Variants in TLK1 observed in about 807,000 individuals in gnomAD.
TLK1 encodes the protein serine/threonine-protein kinase tousled-like 1.
Under a neutral mutation model 105.3 loss-of-function variants are expected in TLK1, and 24 were observed. The observed-to-expected ratio is 0.23, with a 90% CI of 0.17 to 0.32. The LOEUF (loss-of-function observed/expected upper bound fraction) is 0.32. Ranked by LOEUF, TLK1 falls within the 10% of genes least tolerant of loss-of-function variation. The probability of loss-of-function intolerance (pLI) is 1.00; values close to 1 mark genes in which losing one functional copy is unlikely to be tolerated. For missense variants in TLK1, 558 were observed against 910.5 expected (o/e 0.61, Z 4.98); for synonymous variants, 321 against 310.4 (o/e 1.03, Z -0.36).
intron 1 of TLK1, among the ~76,000 whole-genome samples, chr2:171,151,102 G>C (rs906654361): frequency 1.3e-5 from 2 of 151,512 alleles, no homozygotes; most frequent in African/African-American, 4.9e-5. Flanking sequence ...GCTCACTGCA[G>C]CCTCAACCTC....
chr2:171,149,888 CA>C (rs1324830936), intron 1 of TLK1, among the ~76,000 whole-genome samples: 2 of 151,356 alleles, frequency 1.3e-5, no homozygotes, highest in East Asian at 3.9e-4. Context: ...GCCTGGGTGA[CA>C]AAGTGAGACC....
intron 8 of TLK1, among the ~76,000 whole-genome samples, chr2:171,050,984 T>C (rs969811724): frequency 1.3e-5 from 2 of 152,184 alleles, no homozygotes; most frequent in Non-Finnish European, 2.9e-5. Context: ...CATGGTGGAA[T>C]CCACAAGACA....
At chr2:170,998,617 A>T (rs1684198161) in intron 18 of TLK1, among the ~76,000 whole-genome samples, 1 of 152,190 alleles carries the variant, frequency 6.6e-6, no homozygotes. Context: ...AGAATGGTGC[A>T]ATGCCTCTAT....
intron 11 of TLK1, among the ~76,000 whole-genome samples, chr2:171,030,465 G>C (rs1271459390): frequency 6.6e-6 from 1 of 152,180 alleles, no homozygotes; most frequent in African/African-American, 2.4e-5. Context: ...TGTGAATGTA[G>C]ATGAAGTGAG....
chr2:171,181,183 G>C (rs888267610), intron 1 of TLK1, among the ~76,000 whole-genome samples: 2 of 152,086 alleles, frequency 1.3e-5, no homozygotes, highest in African/African-American at 4.8e-5. Context: ...CTTCAAAGTT[G>C]GTAGTTGTAA....
intron 11 of TLK1, chr2:171,045,953 C>A: frequency 2.4e-6 from 1 of 409,544 alleles, no homozygotes; most frequent in South Asian, 9.1e-5. Flanking sequence ...TCTTAGCTAC[C>A]TAGGTCTCTG....
chr2:171,177,111 G>A (rs1692843821), intron 1 of TLK1, among the ~76,000 whole-genome samples: 1 of 151,008 alleles, frequency 6.6e-6, no homozygotes, highest in South Asian at 2.1e-4. Context: ...GGGATTACAG[G>A]CATGAGCCAG....
At chr2:171,053,649 C>T (rs1575556425) in intron 8 of TLK1, 112 bp downstream of exon 8, 1 of 807,830 alleles carries the variant, frequency 1.2e-6, no homozygotes, top group Non-Finnish European at 1.9e-6. Flanking sequence ...GCATGAGCCA[C>T]TGCGCCTGGC....
intron 11 of TLK1, among the ~76,000 whole-genome samples, chr2:171,041,395 C>T (rs1312738219): frequency 6.6e-6 from 1 of 152,132 alleles, no homozygotes; most frequent in Non-Finnish European, 1.5e-5. Context: ...GACTACAGAA[C>T]CTAAAGTCCT....
chr2:171,100,906 C>T (rs547876197), intron 2 of TLK1, among the ~76,000 whole-genome samples: 5 of 152,228 alleles, frequency 3.3e-5, no homozygotes, highest in Admixed American at 6.5e-5. Flanking sequence ...CATCAAAAAA[C>T]GGAAACAACC....
intron 1 of TLK1, among the ~76,000 whole-genome samples, chr2:171,175,304 A>C (rs776193047): frequency 6.6e-6 from 1 of 152,086 alleles, no homozygotes; most frequent in Non-Finnish European, 1.5e-5. Context: ...GATTAAAAAC[A>C]TTTGAAAAAA....
At chr2:171,020,601 TAAG>T in intron 12 of TLK1, among the ~76,000 whole-genome samples, 1 of 151,932 alleles carries the variant, frequency 6.6e-6, no homozygotes, top group South Asian at 2.1e-4. Flanking sequence ...AAAAAACAAT[TAAG>T]GAGAAAATTA....
chr2:171,009,291 C>CTTTTTTTT lies in TLK1; in HGVS notation c.1416+2074_1416+2081dup, dbSNP rs71008743. Among the ~76,000 whole-genome samples the CTTTTTTTT allele has an allele frequency of 5.3e-4, 40 of 74,846 alleles. 5 individuals are homozygous for CTTTTTTTT. Among genetic ancestry groups the CTTTTTTTT allele is most frequent in the African/African-American group, 2.0e-3 (32 of 16,390 alleles). 49.1% of individuals were successfully genotyped at this position (74,846 alleles called of 152,430 possible). ...CATGCAACAGTCAGGATTTCTTTTC[C>CTTTTTTTT]TTTTTTTTTTTTTTTTTTTTTTTTT... On this transcript the variant is annotated intron_variant, in intron 14 of 20. Coordinates refer to ENST00000431350, the MANE Select transcript of TLK1 (RefSeq NM_012290.5).
intron 3 of TLK1, chr2:171,081,769 G>A: frequency 1.7e-6 from 2 of 1,200,078 alleles, no homozygotes; most frequent in South Asian, 2.5e-5. Context: ...TAGTGTCAGG[G>A]TGCCTGCACA....
chr2:171,084,635 G>A (rs1420897734), intron 2 of TLK1, among the ~76,000 whole-genome samples: 1 of 151,998 alleles, frequency 6.6e-6, no homozygotes, highest in Non-Finnish European at 1.5e-5. Context: ...AGGTCATAAA[G>A]GTATAAGAAA....
At chr2:171,118,125 T>C (rs1474476667) in intron 1 of TLK1, among the ~76,000 whole-genome samples, 1 of 152,166 alleles carries the variant, frequency 6.6e-6, no homozygotes, top group African/African-American at 2.4e-5. Context: ...CATTCATATA[T>C]TTAAAAGTTT....
intron 3 of TLK1, among the ~76,000 whole-genome samples, chr2:171,073,877 C>G (rs1038161454): frequency 6.5e-5 from 6 of 92,650 alleles, no homozygotes; most frequent in Admixed American, 1.2e-4. Flanking sequence ...AACATTCCCC[C>G]CCCCCCTCCT....
At chr2:171,032,811 A>G (rs1686107335) in intron 11 of TLK1, among the ~76,000 whole-genome samples, 1 of 152,226 alleles carries the variant, frequency 6.6e-6, no homozygotes, top group Non-Finnish European at 1.5e-5. Flanking sequence ...CAACTAGGGA[A>G]CCACATGCAA....
In TLK1 at chr2:171,080,639, C is replaced by T. The variant is rs1688708616; in HGVS notation, c.330+2142G>A. Among the ~76,000 whole-genome samples, 2 of 151,206 alleles carry T rather than the reference C, an allele frequency of 1.3e-5. 1 individual carries two copies. The highest frequency in any genetic ancestry group is 6.9e-3 in the Middle Eastern group (2 of 288). On this transcript the variant is annotated intron_variant, in intron 3 of 20. Transcript: ENST00000431350. Reference sequence around the variant, plus strand: ...ATAATCTGTAGTCATTTCTGTGCCACTAGACTTAACCATTAATTTGTAAAA... The same window carrying T: ...ATAATCTGTAGTCATTTCTGTGCCATTAGACTTAACCATTAATTTGTAAAA...
Sources: gnomAD v4.1 joint callset for allele counts (sites outside exome capture counted in the v4.1 genomes callset) on GRCh38, gnomAD v4.1.1 for gene constraint, MANE v1.5 for transcripts, NCBI Gene and HGNC (gene_info 2026-07-23, HGNC 2026-07-21) for gene names.